XRN1: variants seen among roughly 807,000 people sequenced by gnomAD.
XRN1 encodes strand-exchange protein 1 homolog.
A neutral mutation model predicts 222.3 loss-of-function variants in XRN1; 67 were observed. That is an observed-to-expected ratio of 0.30 (90% CI 0.25 to 0.37). XRN1 has a LOEUF of 0.37. XRN1 is among the 10% of genes least tolerant of loss of function. The pLI, the probability that XRN1 is intolerant of heterozygous loss-of-function variation, is 1.00. For missense variants in XRN1, 1,707 were observed against 2,000.2 expected, an observed-to-expected ratio of 0.85 and a Z score of 2.80; for synonymous variants, 643 against 652.4, an observed-to-expected ratio of 0.99 and a Z score of 0.22.
At chr3:142,418,451 C>T (rs775768011) in intron 12 of XRN1, 53 bp downstream of exon 12, 6 of 1,413,056 alleles carry the variant, frequency 4.2e-6, no homozygotes, top group Non-Finnish European at 5.8e-6. Flanking sequence ...TTCTGAATAA[C>T]TGCAAAATCT....
intron 33 of XRN1, among the ~76,000 whole-genome samples, chr3:142,341,826 G>T (rs1479630353): frequency 6.6e-6 from 1 of 152,050 alleles, no homozygotes; most frequent in Non-Finnish European, 1.5e-5. Context: ...ACACAAGGAA[G>T]ATCATTATAT....
chr3:142,333,845 C>T (rs2065772048), intron 34 of XRN1, among the ~76,000 whole-genome samples: 1 of 152,138 alleles, frequency 6.6e-6, no homozygotes, highest in Non-Finnish European at 1.5e-5. Flanking sequence ...GGCACTTTAC[C>T]GGATTCTAAC....
Position 142,375,296 on chromosome 3 carries a change from T to A in XRN1, c.2978+502A>T, listed in dbSNP as rs376218668. On this transcript the variant is annotated intron_variant, in intron 25 of 40. Transcript: ENST00000392981. ...AATTATGAATCAGATGTAAATATAC[T>A]TCCTGTAAATCTTTGTCACTAGTAA... Among the ~76,000 whole-genome samples, 19 of 152,354 alleles carry A rather than the reference T, an allele frequency of 1.2e-4. No homozygotes were observed. The East Asian group carries it at 3.7e-3, about 29-fold the overall frequency.
In XRN1 at chr3:142,313,055, T is replaced by TA. The variant is rs968875461; in HGVS notation, c.4622-298dup. 3.1e-5 allele frequency: 46 copies of TA among 1,463,194 alleles called. 1 individual carries two copies. The highest frequency in any genetic ancestry group is 1.6e-4 in the African/African-American group (11 of 69,882). The allele number at this position is 1,463,194 out of a possible 1,614,324, so 90.6% of individuals were successfully genotyped here. On this transcript the variant is annotated intron_variant, in intron 39 of 40. Transcript: ENST00000392981. ...TTAGGAATATTTGCAATTATATTTA[T>TA]AAAAAAAATAAAAGGGTCATGAAAT...
At chr3:142,417,353 T>A in intron 12 of XRN1, 124 bp from the exon 13 acceptor site, 3 of 742,198 alleles carry the variant, frequency 4.0e-6, no homozygotes, top group Non-Finnish European at 6.5e-6. Context: ...ATTAGCTATT[T>A]ATGGCTAAAA....
rs144516704 is a variant in XRN1, at chr3:142,320,208, C to T, written c.4405-1305G>A. ...TCCAACCAACAGTGTATAAACACTC[C>T]CTTTTTGCTACATCCTTGCCAAAAT... On this transcript the variant is annotated intron_variant, in intron 37 of 40. Transcript: ENST00000392981. Among the ~76,000 whole-genome samples the T allele has an allele frequency of 2.2e-3, 329 of 152,262 alleles. 1 individual carries two copies. Among genetic ancestry groups the T allele is most frequent in the Middle Eastern group, 0.017 (5 of 294 alleles).
At chr3:142,382,909 T>A (rs914516795) in intron 22 of XRN1, among the ~76,000 whole-genome samples, 4 of 152,172 alleles carry the variant, frequency 2.6e-5, no homozygotes, top group Non-Finnish European at 4.4e-5. Flanking sequence ...TCCTTCCATA[T>A]TTGCATGTAC....
Position 142,392,581 on chromosome 3 carries a change from T to A in XRN1, c.2339+4748A>T, listed in dbSNP as rs1297552001. On this transcript the variant is annotated intron_variant, in intron 20 of 40. Transcript: ENST00000392981. ...TGAGTGAGAATATGCGGTGTTTGGT[T>A]TTTTGTTCTTGCGATAGTTTACTGA... Among the ~76,000 whole-genome samples the A allele has an allele frequency of 2.0e-5, 3 of 151,786 alleles. No homozygotes were observed. The East Asian group carries it at 5.8e-4, about 29-fold the overall frequency.
rs529699362 is a variant in XRN1, at chr3:142,370,698, T to C, written c.3069-78A>G. On this transcript the variant is annotated intron_variant, in intron 26 of 40. Transcript: ENST00000392981. ...TAAATTATAAAAGACATAAAACTTATATAACTAATAATTAGTCACTGAACT... is the reference window on the plus strand; with the variant it reads ...TAAATTATAAAAGACATAAAACTTACATAACTAATAATTAGTCACTGAACT... 2.6e-5 allele frequency: 32 copies of C among 1,241,700 alleles called. No homozygotes were observed. In the African/African-American group the frequency reaches 2.8e-4, roughly 11 times the overall value. The allele number at this position is 1,241,700 out of a possible 1,614,324, so 76.9% of individuals were successfully genotyped here. A position where few individuals can be genotyped will look rare whatever the true frequency, so the allele number is the denominator to read the frequency against.
intron 33 of XRN1, among the ~76,000 whole-genome samples, chr3:142,340,263 G>A (rs2065956948): frequency 6.6e-6 from 1 of 152,050 alleles, no homozygotes; most frequent in South Asian, 2.1e-4. Context: ...GCTGAGGCAG[G>A]AGAATTGCTT....
intron 15 of XRN1, among the ~76,000 whole-genome samples, chr3:142,405,489 A>T (rs1195320943): frequency 6.6e-6 from 1 of 152,218 alleles, no homozygotes; most frequent in Non-Finnish European, 1.5e-5. Context: ...AAGTAATTCC[A>T]GTCAGGACAT....
intron 20 of XRN1, among the ~76,000 whole-genome samples, chr3:142,391,054 T>TA (rs1382114569): frequency 6.6e-6 from 1 of 152,070 alleles, no homozygotes; most frequent in Non-Finnish European, 1.5e-5. Context: ...ATAGTAACAT[T>TA]AAAAATCACT....
intron 16 of XRN1, among the ~76,000 whole-genome samples, chr3:142,404,340 T>C (rs561815869): frequency 6.6e-6 from 1 of 152,326 alleles, no homozygotes; most frequent in East Asian, 1.9e-4. Flanking sequence ...GTTTTATCTT[T>C]CTCTTTCCTT....
chr3:142,385,759 T>G (rs1245920776), intron 20 of XRN1, among the ~76,000 whole-genome samples: 1 of 152,108 alleles, frequency 6.6e-6, no homozygotes, highest in African/African-American at 2.4e-5. Flanking sequence ...AGATAGATAT[T>G]AAAATTCTGA....
rs555137221 is a variant in XRN1, at chr3:142,447,705, C to A, written c.75+165G>T. 6.6e-6 allele frequency among the ~76,000 whole-genome samples: 1 copy of A among 152,298 alleles called. No homozygotes were observed. The highest frequency in any genetic ancestry group is 1.9e-4 in the East Asian group (1 of 5,176). Reference sequence around the variant, plus strand: ...GGCAACCTGCGTCCTTAGCCCCTTTCGGCTCATCCGGGCGTCCTCAAACCT... The same window carrying A: ...GGCAACCTGCGTCCTTAGCCCCTTTAGGCTCATCCGGGCGTCCTCAAACCT... On this transcript the variant is annotated intron_variant, in intron 1 of 40. Coordinates refer to ENST00000392981, the MANE Select transcript of XRN1 (RefSeq NM_001282857.2). The surrounding 1 kb of genome is among the most constrained non-coding windows in gnomAD (Gnocchi z 4.2).
chr3:142,312,696 C>G lies in XRN1; in HGVS notation c.4684G>C (p.Val1562Leu). The G allele has an allele frequency of 6.2e-7, 1 of 1,613,958 alleles. No individual in the cohort carries two copies. Among genetic ancestry groups the G allele is most frequent in the Non-Finnish European group, 8.5e-7 (1 of 1,179,814 alleles). The change falls in exon 40 of 41, where the codon GTT (valine) becomes CTT (leucine). Residue 1562 changes from valine to leucine, a missense_variant. By Grantham distance (32) the Val-to-Leu change is conservative. Around this residue, in one of 2 missense-constraint regions of XRN1, gnomAD observed 473 missense variants for 482.0 expected, o/e 0.98. Coordinates refer to ENST00000392981, the MANE Select transcript of XRN1 (RefSeq NM_001282857.2). ...GTATGATGGAAGGGCTTCCCAGGAA[C>G]TGGCACCGATGGTCCCCATGGCATT... The part of the protein sequence containing the change: ...GSMPWGPSVP[V>L]PGKPFHHTLY...
intron 20 of XRN1, among the ~76,000 whole-genome samples, chr3:142,391,515 G>A (rs1053772794): frequency 3.3e-5 from 5 of 151,858 alleles, no homozygotes; most frequent in Non-Finnish European, 7.4e-5. Flanking sequence ...TATCACTTGA[G>A]GCTAGGTGTT....
chr3:142,334,714 T>C (rs1279379101), intron 34 of XRN1, among the ~76,000 whole-genome samples: 4 of 151,828 alleles, frequency 2.6e-5, no homozygotes, highest in Non-Finnish European at 5.9e-5. Context: ...TCTATGTGTA[T>C]ATATATAAGA....
intron 1 of XRN1, among the ~76,000 whole-genome samples, chr3:142,444,074 G>C (rs1343087067): frequency 6.6e-6 from 1 of 152,208 alleles, no homozygotes; most frequent in Non-Finnish European, 1.5e-5. Flanking sequence ...ATGGTTCCTA[G>C]AGGCTGGGAA....
Sources: gnomAD v4.1 joint callset for allele counts (sites outside exome capture counted in the v4.1 genomes callset) on GRCh38, gnomAD v4.1.1 for gene constraint, gnomAD v4.1.1 regional missense constraint, Gnocchi (gnomAD v3.1) non-coding constraint, MANE v1.5 for transcripts, NCBI Gene and HGNC (gene_info 2026-07-23, HGNC 2026-07-21) for gene names.